Variants in GNGT2 observed in about 807,000 individuals in gnomAD.
GNGT2 encodes the protein G protein subunit gamma transducin 2, also known as guanine nucleotide-binding protein G(I)/G(S)/G(O) subunit gamma-T2.
In GNGT2, 4 loss-of-function variants were observed where a neutral mutation model predicts 3.5. The observed-to-expected ratio is 1.13, with a 90% CI of 0.56 to 2.59. The LOEUF is 2.59. Ranked by LOEUF, GNGT2 falls within the 30% of genes most tolerant of loss-of-function variation. GNGT2 has a pLI of 0.02. For synonymous variants in GNGT2, 31 were observed against 29.5 expected (o/e 1.05, Z -0.17); for missense variants, 64 against 81.2 (o/e 0.79, Z 0.82).
intron 1 of GNGT2, among the ~76,000 whole-genome samples, chr17:49,209,673 A>G (rs2233361): frequency 0.069 from 10,504 of 152,230 alleles, 579 homozygotes; most frequent in East Asian, 0.21. Flanking sequence ...AATATGGTCA[A>G]TGGGAGGTCC....
chr17:49,206,477 A>G lies in GNGT2; in HGVS notation c.*280T>C. 2.6e-6 allele frequency: 1 copy of G among 390,140 alleles called. No individual in the cohort carries two copies. Among genetic ancestry groups the G allele is most frequent in the Non-Finnish European group, 4.6e-6 (1 of 219,144 alleles). The allele number at this position is 390,140 out of a possible 1,614,324, so 24.2% of individuals were successfully genotyped here. A position where few individuals can be genotyped will look rare whatever the true frequency, so the allele number is the denominator to read the frequency against. On this transcript the variant is annotated 3_prime_UTR_variant, in exon 4 of 4. Transcript: ENST00000507680. ...GCCCTCTGGGGTCTTGGGGTATTGC[A>G]GGCTTCTCACACCCCACCACCCATG...
intron 3 of GNGT2, 100 bp from the exon 4 acceptor site, chr17:49,206,982 G>A (rs1038402817): frequency 2.3e-6 from 3 of 1,276,856 alleles, no homozygotes; most frequent in Non-Finnish European, 2.3e-6. Context: ...GGCAGAGACA[G>A]GGGCCAAAGA....
chr17:49,206,527 CT>C lies in GNGT2; in HGVS notation c.*229del, dbSNP rs1406367297. The C allele has an allele frequency of 2.4e-5, 12 of 500,726 alleles. No homozygotes were observed. The highest frequency in any genetic ancestry group is 2.0e-4 in the African/African-American group (10 of 49,710). 31.0% of individuals were successfully genotyped at this position (500,726 alleles called of 1,614,324 possible). On this transcript the variant is annotated 3_prime_UTR_variant, in exon 4 of 4. Transcript: ENST00000507680. ...GGGGCCAACCGCTCGGCCAGCCACA[CT>C]GTCCTCAGAGTGTTCCCAGCAAGGT... is the stretch of plus-strand genomic sequence containing the variant.
chr17:49,207,275 T>C (rs528406287), intron 3 of GNGT2, 64 bp downstream of exon 3: 2 of 1,211,578 alleles, frequency 1.7e-6, no homozygotes, highest in African/African-American at 3.0e-5. Flanking sequence ...TCTGGTCACT[T>C]CCTCCTTCCC....
chr17:49,210,512 C>T lies in GNGT2; in HGVS notation c.-201G>A. On this transcript the variant is annotated 5_prime_UTR_variant, in exon 1 of 4. Transcript: ENST00000507680. This position sits in a 1 kb window ranked among gnomAD's most constrained non-coding sequence, Gnocchi z 4.2. Reference sequence around the variant, plus strand: ...ATGGGCCCCTGGCTTCCCCCTTCCTCTGGGCAGGGGACAGAGAGACACAGG... The same window carrying T: ...ATGGGCCCCTGGCTTCCCCCTTCCTTTGGGCAGGGGACAGAGAGACACAGG... 2.2e-6 allele frequency: 1 copy of T among 451,372 alleles called. No homozygotes were observed. Among genetic ancestry groups the T allele is most frequent in the Non-Finnish European group, 4.0e-6 (1 of 252,316 alleles). The allele number at this position is 451,372 out of a possible 1,614,324, so 28.0% of individuals were successfully genotyped here.
At chr17:49,209,823 G>A (rs1388930092) in intron 1 of GNGT2, among the ~76,000 whole-genome samples, 3 of 152,148 alleles carry the variant, frequency 2.0e-5, no homozygotes, top group Non-Finnish European at 4.4e-5. Flanking sequence ...ATCAGAACAG[G>A]ATCCTGGAGG....
chr17:49,207,525 C>G (rs1021916018), intron 2 of GNGT2, 81 bp from the exon 3 acceptor site: 10 of 783,272 alleles, frequency 1.3e-5, no homozygotes, highest in Non-Finnish European at 2.1e-5. Flanking sequence ...TAGCATCTTC[C>G]CTGCCATATC....
At chr17:49,207,024 G>A (rs1055414147) in intron 3 of GNGT2, 142 bp from the exon 4 acceptor site, 24 of 871,590 alleles carry the variant, frequency 2.8e-5, no homozygotes, top group South Asian at 5.7e-5. Flanking sequence ...ACAGGTGTTC[G>A]GGGGTGTGAG....
At chr17:49,209,165 A>G (rs577870168) in intron 1 of GNGT2, 1 of 152,496 alleles carries the variant, frequency 6.6e-6, no homozygotes, top group South Asian at 2.1e-4. Context: ...TAGAGCCCGC[A>G]GCGCTTCTAT....
In GNGT2 at chr17:49,206,334, C is replaced by G. The variant is rs1227284538; in HGVS notation, c.*423G>C. ...AGGACATGATATGGAGGGACAGGAC[C>G]ACCCAACCCTGGCCCCCAGCCCAAA... is the stretch of plus-strand genomic sequence containing the variant. On this transcript the variant is annotated 3_prime_UTR_variant, in exon 4 of 4. Coordinates refer to ENST00000507680, the MANE Select transcript of GNGT2 (RefSeq NM_001198754.2). 2 of 175,074 alleles carry G rather than the reference C, an allele frequency of 1.1e-5. No individual in the cohort carries two copies. The highest frequency in any genetic ancestry group is 2.4e-5 in the Non-Finnish European group (2 of 84,510). 10.8% of individuals were successfully genotyped at this position (175,074 alleles called of 1,614,324 possible).
intron 3 of GNGT2, 50 bp downstream of exon 3, chr17:49,207,289 G>T: frequency 7.6e-7 from 1 of 1,315,958 alleles, no homozygotes; most frequent in Non-Finnish European, 1.1e-6. Flanking sequence ...CCTTCCCGGG[G>T]CTCATCAGGA....
rs1387633108 is a variant in GNGT2, at chr17:49,210,539, T to G, written c.-228A>C. ...GGGCAGGGGACAGAGAGACACAGGC[T>G]CGGGGAGCAGGACTGACTTCCTCTT... On this transcript the variant is annotated 5_prime_UTR_variant, in exon 1 of 4. Transcript: ENST00000507680. This position sits in a 1 kb window ranked among gnomAD's most constrained non-coding sequence, Gnocchi z 4.2. The G allele has an allele frequency of 1.9e-6, 1 of 530,518 alleles. No individual in the cohort carries two copies. The highest frequency in any genetic ancestry group is 3.0e-5 in the East Asian group (1 of 33,386). 32.9% of individuals were successfully genotyped at this position (530,518 alleles called of 1,614,324 possible). A position where few individuals can be genotyped will look rare whatever the true frequency, so the allele number is the denominator to read the frequency against.
intron 2 of GNGT2, 106 bp from the exon 3 acceptor site, chr17:49,207,550 C>T: frequency 1.4e-6 from 1 of 710,898 alleles, no homozygotes; most frequent in Admixed American, 2.0e-5. Context: ...AGTTCAGGCC[C>T]CTCATCATTC....
chr17:49,207,276 C>T (rs548076058), intron 3 of GNGT2, 63 bp downstream of exon 3: 1 of 1,219,322 alleles, frequency 8.2e-7, no homozygotes, highest in East Asian at 2.3e-5. Context: ...CTGGTCACTT[C>T]CTCCTTCCCG....
rs1194546679 is a variant in GNGT2 at position 49,210,073 on chromosome 17, A to G, written c.-133+371T>C. 6.6e-6 allele frequency among the ~76,000 whole-genome samples: 1 copy of G among 151,720 alleles called. No homozygotes were observed. The highest frequency in any genetic ancestry group is 1.5e-5 in the Non-Finnish European group (1 of 67,874). On this transcript the variant is annotated intron_variant, in intron 1 of 3. Transcript: ENST00000507680. This position sits in a 1 kb window ranked among gnomAD's most constrained non-coding sequence, Gnocchi z 4.2. ...CGTGTAGGGCAGATCTTCATCACACACAACCCTTCGCAGGCTTGCTAACAC... is the reference window on the plus strand; with the variant it reads ...CGTGTAGGGCAGATCTTCATCACACGCAACCCTTCGCAGGCTTGCTAACAC...
intron 1 of GNGT2, among the ~76,000 whole-genome samples, chr17:49,209,557 C>A (rs1027529718): frequency 6.6e-6 from 1 of 152,208 alleles, no homozygotes; most frequent in Admixed American, 6.5e-5. Flanking sequence ...GCTGTCCCCC[C>A]AGGACCACCC....
intron 2 of GNGT2, 23 bp from the exon 3 acceptor site, chr17:49,207,467 G>A: frequency 2.3e-6 from 3 of 1,329,388 alleles, no homozygotes; most frequent in Non-Finnish European, 3.3e-6. Context: ...CAGCAGCCAG[G>A]ATCATAAATC....
At position 49,208,961 on chromosome 17, in the gene GNGT2, A is replaced by G. The variant is rs2043131917; in HGVS notation, c.-132-7T>C. The G allele has an allele frequency of 6.6e-6, 1 of 152,228 alleles. No homozygotes were observed. Among genetic ancestry groups the G allele is most frequent in the South Asian group, 2.1e-4 (1 of 4,830 alleles). The allele number at this position is 152,228 out of a possible 1,614,324, so 9.4% of individuals were successfully genotyped here. A position where few individuals can be genotyped will look rare whatever the true frequency, so the allele number is the denominator to read the frequency against. On this transcript the variant is annotated splice_polypyrimidine_tract_variant and splice_region_variant and intron_variant, in intron 1 of 3. Coordinates refer to ENST00000507680, the MANE Select transcript of GNGT2 (RefSeq NM_001198754.2). Reference sequence around the variant, plus strand: ...TTCAGATAAAGCAGATGGCCTGGAAACCAAAATCTCTGATGCCTAAGCTGA... The same window carrying G: ...TTCAGATAAAGCAGATGGCCTGGAAGCCAAAATCTCTGATGCCTAAGCTGA...
At position 49,207,420 on chromosome 17, in the gene GNGT2, C is replaced by CATCCTG. The variant is rs878982197; in HGVS notation, c.-4_2dup (p.Ser1_?0). Reference sequence around the variant, plus strand: ...GGTCCTTCTCGCTGAGATCCTGGGCCATCCTGCCCTAGACAGACCTGATCC... The same window carrying CATCCTG: ...GGTCCTTCTCGCTGAGATCCTGGGCCATCCTGATCCTGCCCTAGACAGACCTGATCC... On this transcript the variant is annotated start_lost and start_retained_variant, in exon 3 of 4. Coordinates refer to ENST00000507680, the MANE Select transcript of GNGT2 (RefSeq NM_001198754.2). 6.2e-7 allele frequency: 1 copy of CATCCTG among 1,608,638 alleles called. No homozygotes were observed. Among genetic ancestry groups the CATCCTG allele is most frequent in the South Asian group, 1.1e-5 (1 of 90,946 alleles).
Sources: gnomAD v4.1 joint callset for allele counts (sites outside exome capture counted in the v4.1 genomes callset) on GRCh38, gnomAD v4.1.1 for gene constraint, Gnocchi (gnomAD v3.1) non-coding constraint, MANE v1.5 for transcripts, NCBI Gene and HGNC (gene_info 2026-07-23, HGNC 2026-07-21) for gene names.